The following MAPKAPK2 variants were observed in gnomAD, a reference collection of about 807,000 sequenced individuals.
MAPKAPK2 encodes the protein MAPK activated protein kinase 2, also known as MAP kinase-activated protein kinase 2.
In MAPKAPK2, 9 loss-of-function variants were observed where a neutral mutation model predicts 48.8. That is an observed-to-expected ratio of 0.18 (90% CI 0.11 to 0.32). MAPKAPK2 has a LOEUF of 0.32. Ranked by LOEUF, MAPKAPK2 falls within the 10% of genes least tolerant of loss-of-function variation. MAPKAPK2 has a pLI of 1.00. For synonymous variants in MAPKAPK2, 202 were observed against 190.6 expected (o/e 1.06, Z -0.49); for missense variants, 331 against 498.3 (o/e 0.66, Z 3.20).
chr1:206,722,315 G>A (rs757069484), intron 1 of MAPKAPK2, among the ~76,000 whole-genome samples: 2 of 152,040 alleles, frequency 1.3e-5, no homozygotes, highest in African/African-American at 2.4e-5. Flanking sequence ...AGCGGAGATC[G>A]TGCCACTGCA....
chr1:206,724,698 A>G (rs977947404), intron 1 of MAPKAPK2, among the ~76,000 whole-genome samples: 13 of 152,150 alleles, frequency 8.5e-5, no homozygotes, highest in Non-Finnish European at 1.9e-4. Context: ...GATGGAAAGG[A>G]CAGCTCACCC....
intron 1 of MAPKAPK2, among the ~76,000 whole-genome samples, chr1:206,726,058 G>A (rs1673692635): frequency 1.3e-5 from 2 of 152,156 alleles, no homozygotes; most frequent in South Asian, 2.1e-4. Flanking sequence ...TTAGAGCATG[G>A]GAAAGTAAAC....
At chr1:206,712,072 G>A (rs184616487) in intron 1 of MAPKAPK2, among the ~76,000 whole-genome samples, 42 of 152,310 alleles carry the variant, frequency 2.8e-4, no homozygotes, top group African/African-American at 8.7e-4. Context: ...ACTGGCTAAG[G>A]TCAGGCAGCT....
intron 1 of MAPKAPK2, among the ~76,000 whole-genome samples, chr1:206,726,388 GAAAC>G (rs1173523501): frequency 3.9e-5 from 6 of 152,312 alleles, no homozygotes; most frequent in South Asian, 2.1e-4. Flanking sequence ...CCCTGTCTCA[GAAAC>G]AAACAAACCC....
chr1:206,719,075 T>C (rs541411594), intron 1 of MAPKAPK2, among the ~76,000 whole-genome samples: 3 of 152,330 alleles, frequency 2.0e-5, no homozygotes, highest in East Asian at 3.9e-4. Flanking sequence ...GCCATCTGTG[T>C]TTCTCTTGCT....
At chr1:206,714,403 G>A (rs1673255582) in intron 1 of MAPKAPK2, among the ~76,000 whole-genome samples, 1 of 152,092 alleles carries the variant, frequency 6.6e-6, no homozygotes, top group Non-Finnish European at 1.5e-5. Flanking sequence ...ATTATGATTT[G>A]TTCTAGAGCT....
At position 206,731,363 on chromosome 1, in the gene MAPKAPK2, G is replaced by A. The variant is rs563575924; in HGVS notation, c.892+101G>A. 1.9e-6 allele frequency: 3 copies of A among 1,561,772 alleles called. No individual in the cohort carries two copies. The highest frequency in any genetic ancestry group is 2.3e-5 in the South Asian group (2 of 85,264). The stretch of plus-strand genomic sequence containing the variant: ...ACATGTATGGGCCTCCATCTCATGT[G>A]CGTGGTGTAACTGTGGGTTAGCACC... On this transcript the variant is annotated intron_variant, in intron 7 of 9. Transcript: ENST00000367103. The surrounding 1 kb of genome is among the most constrained non-coding windows in gnomAD (Gnocchi z 5.9).
rs78527766 is a variant in MAPKAPK2 at position 206,730,968 on chromosome 1, C to T, written c.768-170C>T. 4.9e-3 allele frequency among the ~76,000 whole-genome samples: 748 copies of T among 152,306 alleles called. 7 individuals carry two copies. Among genetic ancestry groups the T allele is most frequent in the Non-Finnish European group, 6.2e-3 (421 of 68,028 alleles). On this transcript the variant is annotated intron_variant, in intron 6 of 9. Transcript: ENST00000367103. Reference sequence around the variant, plus strand: ...GTGTGCGCCTTAGATACTTGCTATGCTGGATTCCCGGGCCCCGGGCTTGAC... The same window carrying T: ...GTGTGCGCCTTAGATACTTGCTATGTTGGATTCCCGGGCCCCGGGCTTGAC...
chr1:206,729,928 C>T (rs1553432382), intron 4 of MAPKAPK2, 44 bp from the exon 5 acceptor site: 1 of 1,613,280 alleles, frequency 6.2e-7, no homozygotes. Flanking sequence ...ATAGCCCCTC[C>T]CAGGTCCAGC....
chr1:206,713,082 T>C (rs1206412163), intron 1 of MAPKAPK2, among the ~76,000 whole-genome samples: 3 of 152,028 alleles, frequency 2.0e-5, no homozygotes, highest in Admixed American at 1.3e-4. Context: ...CTAAATGCCA[T>C]GTACCGGGTC....
chr1:206,716,651 G>A (rs1280815610), intron 1 of MAPKAPK2, among the ~76,000 whole-genome samples: 3 of 152,004 alleles, frequency 2.0e-5, no homozygotes, highest in South Asian at 2.1e-4. Flanking sequence ...TGCTTTTGTC[G>A]CTTCAAAGTA....
rs534344107 is a variant in MAPKAPK2, at chr1:206,704,030, A to G, written c.279+18522A>G. Among the ~76,000 whole-genome samples the G allele has an allele frequency of 5.3e-5, 8 of 152,330 alleles. No individual in the cohort carries two copies. In the South Asian group the frequency reaches 1.7e-3, roughly 32 times the overall value. On this transcript the variant is annotated intron_variant, in intron 1 of 9. Coordinates refer to ENST00000367103, the MANE Select transcript of MAPKAPK2 (RefSeq NM_032960.4). This position sits in a 1 kb window ranked among gnomAD's most constrained non-coding sequence, Gnocchi z 4.3. Reference sequence around the variant, plus strand: ...GAGACACCCTTTCAGGGTCTGCTTCATTATGAATGAAGCAAAAAGCCTATC... The same window carrying G: ...GAGACACCCTTTCAGGGTCTGCTTCGTTATGAATGAAGCAAAAAGCCTATC...
At chr1:206,706,522 G>A (rs1553428587) in intron 1 of MAPKAPK2, among the ~76,000 whole-genome samples, 4 of 152,156 alleles carry the variant, frequency 2.6e-5, no homozygotes, top group Non-Finnish European at 5.9e-5. Flanking sequence ...CTCTCTGGAG[G>A]GGACCAGCAG....
chr1:206,715,257 C>A (rs1382343215), intron 1 of MAPKAPK2, among the ~76,000 whole-genome samples: 1 of 152,132 alleles, frequency 6.6e-6, no homozygotes, highest in Non-Finnish European at 1.5e-5. Context: ...CATCCCAGGG[C>A]CACTTCCTCC....
chr1:206,730,241 G>A, intron 5 of MAPKAPK2, 143 bp downstream of exon 5: 2 of 986,614 alleles, frequency 2.0e-6, no homozygotes, highest in Non-Finnish European at 3.0e-6. Context: ...GGGACCTGCT[G>A]AGAAGTAGGG....
rs1673951726 is a variant in MAPKAPK2, at chr1:206,732,496, C to G, written c.1060-79C>G. The G allele has an allele frequency of 1.5e-5, 23 of 1,577,304 alleles. No homozygotes were observed. The highest frequency in any genetic ancestry group is 1.9e-5 in the Non-Finnish European group (22 of 1,159,166). On this transcript the variant is annotated intron_variant, in intron 9 of 9. Transcript: ENST00000367103. The surrounding 1 kb of genome is among the most constrained non-coding windows in gnomAD (Gnocchi z 4.4). ...CACCCTGCCCTTGTTGTCTCTGTCT[C>G]TCACGTCTCTCTTCTGCTGTCTCTC... is the stretch of plus-strand genomic sequence containing the variant.
chr1:206,717,285 G>A (rs1041051389), intron 1 of MAPKAPK2, among the ~76,000 whole-genome samples: 2 of 152,168 alleles, frequency 1.3e-5, no homozygotes, highest in Admixed American at 6.5e-5. Flanking sequence ...ATCCTGTTCT[G>A]TAGGGCTGCT....
chr1:206,690,563 T>C (rs1672426806), intron 1 of MAPKAPK2, among the ~76,000 whole-genome samples: 1 of 152,174 alleles, frequency 6.6e-6, no homozygotes, highest in Non-Finnish European at 1.5e-5. Flanking sequence ...CCTGAGAGGT[T>C]GGGCCATCCA....
intron 1 of MAPKAPK2, among the ~76,000 whole-genome samples, chr1:206,718,532 C>CAAA (rs60964142): frequency 7.2e-4 from 82 of 114,610 alleles, no homozygotes; most frequent in African/African-American, 2.0e-3. Context: ...GACTCCATCT[C>CAAA]AAAAAAAAAA....
Sources: gnomAD v4.1 joint callset for allele counts (sites outside exome capture counted in the v4.1 genomes callset) on GRCh38, gnomAD v4.1.1 for gene constraint, Gnocchi (gnomAD v3.1) non-coding constraint, MANE v1.5 for transcripts, NCBI Gene and HGNC (gene_info 2026-07-23, HGNC 2026-07-21) for gene names.